The following RBM24 variants were observed in gnomAD, a reference collection of about 807,000 sequenced individuals.
The protein encoded by RBM24 is RNA-binding protein 24.
Under a neutral mutation model 23.6 loss-of-function variants are expected in RBM24, and 5 were observed. That is an observed-to-expected ratio of 0.21 (90% CI 0.11 to 0.45). The LOEUF is 0.45. Among genes scored for constraint, RBM24 ranks in the 20% least tolerant of loss-of-function variants. The pLI is 0.99. For missense variants in RBM24, 252 were observed against 314.6 expected, an observed-to-expected ratio of 0.80 and a Z score of 1.51; for synonymous variants, 151 against 129.5, an observed-to-expected ratio of 1.17 and a Z score of -1.13.
intron 1 of RBM24, chr6:17,282,312 C>T: frequency 1.7e-6 from 2 of 1,208,500 alleles, no homozygotes; most frequent in Non-Finnish European, 2.2e-6. Flanking sequence ...CGTGCAAATT[C>T]AGCTGCCGAA....
intron 3 of RBM24, chr6:17,288,528 G>T (rs904455316): frequency 4.1e-6 from 4 of 985,270 alleles, no homozygotes; most frequent in Non-Finnish European, 4.8e-6. Context: ...AAAATAGGAG[G>T]CTATGTTAAG....
intron 3 of RBM24, chr6:17,290,936 A>G (rs1405813901): frequency 1.7e-6 from 2 of 1,187,518 alleles, no homozygotes; most frequent in African/African-American, 1.6e-5. Context: ...ATGGGGGAAA[A>G]AAAAGAGAAA....
rs1229519847 is a variant in RBM24, at chr6:17,291,991, T to C, written c.583T>C (p.Tyr195His). The C allele has an allele frequency of 6.2e-7, 1 of 1,608,942 alleles. No homozygotes were observed. Residue 195 changes from tyrosine to histidine, a missense_variant, in exon 4 of 4, where the codon TAC becomes CAC. Physicochemically the swap from Tyr to His is moderately conservative, Grantham distance 83 (BLOSUM62 2). Coordinates refer to ENST00000379052, the MANE Select transcript of RBM24 (RefSeq NM_001143942.2). ...ATATGTTACTGCTGGGGGCTATGGCTACGCAGTCCAGCAGCCAATCACCGC... is the reference window on the plus strand; with the variant it reads ...ATATGTTACTGCTGGGGGCTATGGCCACGCAGTCCAGCAGCCAATCACCGC... The part of the protein sequence containing the change: ...AGYVTAGGYG[Y>H]AVQQPITAAA...
At chr6:17,284,085 T>C (rs982833208) in intron 2 of RBM24, among the ~76,000 whole-genome samples, 3 of 152,274 alleles carry the variant, frequency 2.0e-5, no homozygotes, top group Admixed American at 1.3e-4. Context: ...GACACTTCCA[T>C]CCAAACGGGT....
rs1760386141 is a variant in RBM24, at chr6:17,292,103, C to G, written c.695C>G (p.Thr232Arg). ...FGQYQPQQLQ[T>R]DRMQ ...CAGTACCAGCCTCAGCAGCTGCAGACAGACCGAATGCAATAGACCAGCCAT... is the reference window on the plus strand; with the variant it reads ...CAGTACCAGCCTCAGCAGCTGCAGAGAGACCGAATGCAATAGACCAGCCAT... Residue 232 changes from threonine to arginine, a missense_variant, in exon 4 of 4, where the codon ACA (threonine) becomes AGA (arginine). Thr to Arg is a moderately conservative substitution (Grantham distance 71, BLOSUM62 -1). Transcript: ENST00000379052. The G allele has an allele frequency of 6.5e-7, 1 of 1,544,482 alleles. No individual in the cohort carries two copies. Among genetic ancestry groups the G allele is most frequent in the African/African-American group, 1.4e-5 (1 of 72,970 alleles).
intron 3 of RBM24, among the ~76,000 whole-genome samples, chr6:17,287,962 G>A (rs1202393961): frequency 6.6e-6 from 1 of 152,194 alleles, no homozygotes; most frequent in Non-Finnish European, 1.5e-5. Context: ...AGGAGGGCAG[G>A]AGGGACTGTA....
intron 3 of RBM24, among the ~76,000 whole-genome samples, 157 bp from the exon 4 acceptor site, chr6:17,291,599 C>T (rs1760359491): frequency 6.6e-6 from 1 of 152,180 alleles, no homozygotes. Flanking sequence ...ATGACTTTGG[C>T]TACTGCCTGA....
At chr6:17,289,959 G>C in intron 3 of RBM24, 1 of 1,289,142 alleles carries the variant, frequency 7.8e-7, no homozygotes, top group Non-Finnish European at 1.0e-6. Flanking sequence ...CTGAGTGTGT[G>C]CATGACCACG....
At chr6:17,289,765 A>G in intron 3 of RBM24, 1 of 1,066,044 alleles carries the variant, frequency 9.4e-7, no homozygotes, top group South Asian at 3.0e-5. Context: ...CCCTTGTCGC[A>G]TGACAGGATC....
rs1354102346 is a variant in RBM24, at chr6:17,281,521, GCGCAGCCGCTGCCCGAGCCGCAGC to G, written c.-52_-29del. On this transcript the variant is annotated 5_prime_UTR_variant, in exon 1 of 4. Transcript: ENST00000379052. The surrounding 1 kb of genome is among the most constrained non-coding windows in gnomAD (Gnocchi z 7.1). ...GGGAGACGCGGAGCCGGAGGAGGAG[GCGCAGCCGCTGCCCGAGCCGCAGC>G]CGCAGCCGGAGCCCGAGCCGCGGGG... The G allele has an allele frequency of 2.5e-5, 35 of 1,418,010 alleles. No individual in the cohort carries two copies. The highest frequency in any genetic ancestry group is 6.2e-5 in the Admixed American group (2 of 32,176). The allele number at this position is 1,418,010 out of a possible 1,614,324, so 87.8% of individuals were successfully genotyped here. A position where few individuals can be genotyped will look rare whatever the true frequency, so the allele number is the denominator to read the frequency against.
rs182197702 is a variant in RBM24, at chr6:17,288,406, C to T, written c.348-3350C>T. 3.2e-5 allele frequency: 32 copies of T among 985,142 alleles called. No homozygotes were observed. In the East Asian group the frequency reaches 3.2e-3, roughly 98 times the overall value. The allele number at this position is 985,142 out of a possible 1,614,324, so 61.0% of individuals were successfully genotyped here. A position where few individuals can be genotyped will look rare whatever the true frequency, so the allele number is the denominator to read the frequency against. ...TTAAAGAATGGTGGAGGGTAGGGAA[C>T]TCTTTTATTGAGTGCCTACTATATT... On this transcript the variant is annotated intron_variant, in intron 3 of 3. Coordinates refer to ENST00000379052, the MANE Select transcript of RBM24 (RefSeq NM_001143942.2).
intron 3 of RBM24, chr6:17,291,003 A>G: frequency 1.5e-5 from 10 of 659,702 alleles, no homozygotes; most frequent in Non-Finnish European, 2.2e-5. Flanking sequence ...GAATGTTAAT[A>G]GCATTTTTGT....
chr6:17,285,543 AGTTTCT>A (rs1381379235), intron 3 of RBM24, among the ~76,000 whole-genome samples: 1 of 151,940 alleles, frequency 6.6e-6, no homozygotes, highest in Non-Finnish European at 1.5e-5. Context: ...GCATGTCCTA[AGTTTCT>A]GTTTTATGGG....
chr6:17,281,765 T>G lies in RBM24; in HGVS notation c.168+16T>G. 1.3e-6 allele frequency: 2 copies of G among 1,547,472 alleles called. No homozygotes were observed. Among genetic ancestry groups the G allele is most frequent in the East Asian group, 2.5e-5 (1 of 40,486 alleles). ...CTATGGATTTGTAAGTTGCACGGACTGGGGGTGACGGGGAGGGACGGAGTG... is the reference window on the plus strand; with the variant it reads ...CTATGGATTTGTAAGTTGCACGGACGGGGGGTGACGGGGAGGGACGGAGTG... On this transcript the variant is annotated intron_variant, in intron 1 of 3. Transcript: ENST00000379052. The surrounding 1 kb of genome is among the most constrained non-coding windows in gnomAD (Gnocchi z 7.1).
At chr6:17,288,746 A>C (rs142079054) in intron 3 of RBM24, 1 of 978,752 alleles carries the variant, frequency 1.0e-6, no homozygotes, top group Non-Finnish European at 1.2e-6. Flanking sequence ...CAGGAAACAT[A>C]AAGGAGCCCA....
At position 17,290,395 on chromosome 6, in the gene RBM24, G is replaced by A. The variant is rs191557998; in HGVS notation, c.348-1361G>A. ...GAAGATAAATCAGATATTTATGGTAGTGTTTCAGATGGGCAGTAATAAATT... is the reference window on the plus strand; with the variant it reads ...GAAGATAAATCAGATATTTATGGTAATGTTTCAGATGGGCAGTAATAAATT... On this transcript the variant is annotated intron_variant, in intron 3 of 3. Transcript: ENST00000379052. Among the ~76,000 whole-genome samples, 34 of 152,330 alleles carry A rather than the reference G, an allele frequency of 2.2e-4. No homozygotes were observed. The East Asian group carries it at 3.3e-3, about 15-fold the overall frequency.
intron 3 of RBM24, chr6:17,289,486 T>C (rs1029650404): frequency 1.0e-6 from 1 of 985,354 alleles, no homozygotes; most frequent in East Asian, 1.1e-4. Flanking sequence ...TATTTCCTAA[T>C]GCAAAGTAAA....
chr6:17,284,723 A>T lies in RBM24; in HGVS notation c.347+12A>T. 1.2e-6 allele frequency: 2 copies of T among 1,606,744 alleles called. No individual in the cohort carries two copies. Among genetic ancestry groups the T allele is most frequent in the East Asian group, 2.2e-5 (1 of 44,738 alleles). On this transcript the variant is annotated intron_variant, in intron 3 of 3. Transcript: ENST00000379052. The stretch of plus-strand genomic sequence containing the variant: ...CAAAGACCTTTCGGGTAAGTTGATT[A>T]ATCAGGCTTTCTTAAGTTTCAGTAT...
intron 3 of RBM24, among the ~76,000 whole-genome samples, chr6:17,291,284 T>C (rs926896769): frequency 6.6e-6 from 1 of 152,136 alleles, no homozygotes; most frequent in African/African-American, 2.4e-5. Flanking sequence ...TTCGACAAAC[T>C]GGTGATCACC....
Sources: gnomAD v4.1 joint callset for allele counts (sites outside exome capture counted in the v4.1 genomes callset) on GRCh38, gnomAD v4.1.1 for gene constraint, Gnocchi (gnomAD v3.1) non-coding constraint, MANE v1.5 for transcripts, NCBI Gene and HGNC (gene_info 2026-07-23, HGNC 2026-07-21) for gene names.